Variants in AIMP2 observed in about 807,000 individuals in gnomAD.
AIMP2 encodes the protein aminoacyl tRNA synthase complex-interacting multifunctional protein 2.
In AIMP2, 20 loss-of-function variants were observed where a neutral mutation model predicts 23.4. The ratio of observed to expected loss-of-function variants is 0.85; its 90% CI spans 0.60 to 1.24. The LOEUF is 1.24. Among genes scored for constraint, AIMP2 ranks in the 50% most tolerant of loss-of-function variants. The pLI, the probability that AIMP2 is intolerant of heterozygous loss-of-function variation, is 0.00. For synonymous variants in AIMP2, 210 were observed against 170.4 expected (o/e 1.23, Z -1.81); for missense variants, 515 against 414.5 (o/e 1.24, Z -2.10).
intron 1 of AIMP2, among the ~76,000 whole-genome samples, chr7:6,011,291 G>C (rs530314096): frequency 6.6e-6 from 1 of 152,286 alleles, no homozygotes; most frequent in South Asian, 2.1e-4. Flanking sequence ...TCACCAGCAG[G>C]GTAGAAGAAT....
chr7:6,015,232 T>A lies in AIMP2; in HGVS notation c.222T>A (p.Asp74Glu). The stretch of plus-strand genomic sequence containing the variant: ...TGTATGAGTTGAAAGCTGCAGTTGA[T>A]GGCCTCTCCAAGATGATTCAAACAC... ...KRLYELKAAV[D>E]GLSKMIQTPD... Residue 74 changes from aspartate (D) to glutamate (E), a missense_variant, in exon 2 of 4, where the codon GAT (aspartate) becomes GAA (glutamate). Asp to Glu is a conservative substitution (Grantham distance 45). Transcript: ENST00000223029. 1.9e-6 allele frequency: 3 copies of A among 1,614,180 alleles called. No individual in the cohort carries two copies. The highest frequency in any genetic ancestry group is 2.5e-6 in the Non-Finnish European group (3 of 1,180,032).
At chr7:6,012,920 C>G in intron 1 of AIMP2, 1 of 989,366 alleles carries the variant, frequency 1.0e-6, no homozygotes, top group Non-Finnish European at 1.2e-6. Context: ...TCACATTTCT[C>G]TGACGTTTGA....
chr7:6,023,536 G>C lies in AIMP2; in HGVS notation c.808G>C (p.Ala270Pro), dbSNP rs770771902. Reference sequence around the variant, plus strand: ...TGCTCTTGGGAAGAGCCCTTGGCTCGCTGGGAATGAACTCACCGTAGCAGA... The same window carrying C: ...TGCTCTTGGGAAGAGCCCTTGGCTCCCTGGGAATGAACTCACCGTAGCAGA... Reference protein sequence around the residue: ...NSALGKSPWLAGNELTVADVV... With the variant: ...NSALGKSPWLPGNELTVADVV... The change falls in exon 4 of 4, where the codon GCT becomes CCT. Residue 270 changes from alanine to proline, a missense_variant. Coordinates refer to ENST00000223029, the MANE Select transcript of AIMP2 (RefSeq NM_006303.4). 6.2e-7 allele frequency: 1 copy of C among 1,614,214 alleles called. No homozygotes were observed. The highest frequency in any genetic ancestry group is 1.3e-5 in the African/African-American group (1 of 75,060).
intron 2 of AIMP2, among the ~76,000 whole-genome samples, chr7:6,017,597 G>GTA (rs1330278253): frequency 6.6e-6 from 1 of 152,046 alleles, no homozygotes; most frequent in Non-Finnish European, 1.5e-5. Context: ...TTTGTTGGGG[G>GTA]TAAGGGGGTG....
chr7:6,022,557 A>G (rs1787504205), intron 3 of AIMP2: 1 of 152,258 alleles, frequency 6.6e-6, no homozygotes. Flanking sequence ...AGCGATTTGC[A>G]TCAGGTCAGA....
chr7:6,023,457 G>A lies in AIMP2; in HGVS notation c.729G>A (p.Gln243=), dbSNP rs770859885. ...IDSWVDIAIF[Q]LKEGSSKEKA... is the part of the protein sequence containing the mutation. ...GCTGGGTAGATATTGCGATTTTTCAGTTAAAAGAGGGAAGCAGTAAAGAAA... is the reference window on the plus strand; with the variant it reads ...GCTGGGTAGATATTGCGATTTTTCAATTAAAAGAGGGAAGCAGTAAAGAAA... Residue 243 remains glutamine (Q), a synonymous_variant, in exon 4 of 4, where the codon CAG becomes CAA. Coordinates refer to ENST00000223029, the MANE Select transcript of AIMP2 (RefSeq NM_006303.4). 6.2e-7 allele frequency: 1 copy of A among 1,614,170 alleles called. No individual in the cohort carries two copies. Among genetic ancestry groups the A allele is most frequent in the South Asian group, 1.1e-5 (1 of 91,086 alleles).
rs1197492254 is a variant in AIMP2 at position 6,015,997 on chromosome 7, G to A, written c.342+645G>A. 3.3e-5 allele frequency among the ~76,000 whole-genome samples: 5 copies of A among 152,206 alleles called. No individual in the cohort carries two copies. In the East Asian group the frequency reaches 9.6e-4, roughly 29 times the overall value. On this transcript the variant is annotated intron_variant, in intron 2 of 3. Transcript: ENST00000223029. The stretch of plus-strand genomic sequence containing the variant: ...CTGAGCCCTGGAAGAACAGATCTCA[G>A]CTTGCTTGCTCAGTGTTCCCCAGAG...
At position 6,017,829 on chromosome 7, in the gene AIMP2, A is replaced by C. The variant is rs775788927; in HGVS notation, c.358A>C (p.Lys120Gln). Residue 120 changes from lysine (K) to glutamine (Q), a missense_variant, in exon 3 of 4, where the codon AAA becomes CAA. By Grantham distance (53) the Lys-to-Gln change is moderately conservative. Coordinates refer to ENST00000223029, the MANE Select transcript of AIMP2 (RefSeq NM_006303.4). The part of the protein sequence containing the change: ...SVLGKDYGAL[K>Q]DIVINANPAS... ...CTTTCCCCAGGATTACGGGGCGCTGAAAGACATCGTGATCAACGCAAACCC... is the reference window on the plus strand; with the variant it reads ...CTTTCCCCAGGATTACGGGGCGCTGCAAGACATCGTGATCAACGCAAACCC... 20 of 1,613,808 alleles carry C rather than the reference A, an allele frequency of 1.2e-5. No individual in the cohort carries two copies. In the Admixed American group the frequency reaches 3.3e-4, roughly 27 times the overall value.
intron 2 of AIMP2, among the ~76,000 whole-genome samples, chr7:6,015,578 G>A (rs935583337): frequency 1.3e-5 from 2 of 152,084 alleles, no homozygotes; most frequent in South Asian, 2.1e-4. Flanking sequence ...CAAAAAATTC[G>A]CCGGGCGTGG....
At chr7:6,022,685 G>C (rs1455670366) in intron 3 of AIMP2, 1 of 152,326 alleles carries the variant, frequency 6.6e-6, no homozygotes, top group Non-Finnish European at 1.5e-5. Context: ...CACAGCTCAA[G>C]GGGGGGACTG....
At chr7:6,009,623 C>G in intron 1 of AIMP2, 125 bp downstream of exon 1, 1 of 812,250 alleles carries the variant, frequency 1.2e-6, no homozygotes, top group Non-Finnish European at 1.7e-6. Flanking sequence ...CTGTGCCGGC[C>G]GGCCAGGGAC....
At chr7:6,013,643 A>G (rs1337446464) in intron 1 of AIMP2, among the ~76,000 whole-genome samples, 2 of 152,136 alleles carry the variant, frequency 1.3e-5, no homozygotes, top group African/African-American at 2.4e-5. Context: ...GAGGTGGAAT[A>G]GGCTAGGTGA....
intron 1 of AIMP2, among the ~76,000 whole-genome samples, chr7:6,014,426 T>G (rs1417320266): frequency 3.3e-5 from 5 of 151,592 alleles, no homozygotes; most frequent in Admixed American, 1.3e-4. Context: ...CCTGGCTTAT[T>G]TTTGTATTTT....
intron 1 of AIMP2, 67 bp from the exon 2 acceptor site, chr7:6,015,079 T>G: frequency 6.2e-7 from 1 of 1,607,122 alleles, no homozygotes; most frequent in Non-Finnish European, 8.5e-7. Flanking sequence ...GTAAGACAAG[T>G]GATCAAATTT....
rs371698854 is a variant in AIMP2, at chr7:6,018,146, CTTTTT to C, written c.574+115_574+119del. The C allele has an allele frequency of 2.5e-3, 1,479 of 587,422 alleles. 1 individual carries two copies. Among genetic ancestry groups the C allele is most frequent in the East Asian group, 4.1e-3 (117 of 28,854 alleles). 36.4% of individuals were successfully genotyped at this position (587,422 alleles called of 1,614,324 possible). On this transcript the variant is annotated intron_variant, in intron 3 of 3. Coordinates refer to ENST00000223029, the MANE Select transcript of AIMP2 (RefSeq NM_006303.4). The stretch of plus-strand genomic sequence containing the variant: ...TTTACATGTGGATTTTTTTCTTTTT[CTTTTT>C]TTTTTTTTTTTTTGAGACAGAGTCT...
intron 2 of AIMP2, 119 bp from the exon 3 acceptor site, chr7:6,017,695 C>G: frequency 1.2e-6 from 1 of 816,808 alleles, no homozygotes; most frequent in East Asian, 2.7e-5. Flanking sequence ...ACGCTAGTGC[C>G]GTCTTCATGG....
intron 1 of AIMP2, among the ~76,000 whole-genome samples, chr7:6,009,974 A>AAAAAAAAAATATATATATATAT: frequency 7.5e-5 from 2 of 26,670 alleles, no homozygotes; most frequent in Admixed American, 4.1e-4. Context: ...AAAAAAAAAA[A>AAAAAAAAAATATATATATATAT]ATATATATAT....
intron 1 of AIMP2, among the ~76,000 whole-genome samples, chr7:6,012,115 T>C (rs2128876384): frequency 6.6e-6 from 1 of 152,032 alleles, no homozygotes; most frequent in East Asian, 1.9e-4. Context: ...TAGCCAGGTG[T>C]GGTAGCATGT....
chr7:6,014,393 G>C (rs890397212), intron 1 of AIMP2, among the ~76,000 whole-genome samples: 2 of 151,612 alleles, frequency 1.3e-5, no homozygotes, highest in Non-Finnish European at 2.9e-5. Context: ...GAGTAGCTGG[G>C]ACTACAGGCA....
Sources: gnomAD v4.1 joint callset for allele counts (sites outside exome capture counted in the v4.1 genomes callset) on GRCh38, gnomAD v4.1.1 for gene constraint, MANE v1.5 for transcripts, NCBI Gene and HGNC (gene_info 2026-07-23, HGNC 2026-07-21) for gene names.